KLC1: variants seen among roughly 807,000 people sequenced by gnomAD.
KLC1 encodes the protein kinesin 2 60/70kDa.
A neutral mutation model predicts 84.2 loss-of-function variants in KLC1; 30 were observed. The ratio of observed to expected loss-of-function variants is 0.36; its 90% CI spans 0.27 to 0.48. The LOEUF (loss-of-function observed/expected upper bound fraction) is 0.48, where lower values mean the gene tolerates loss of function less well. KLC1 is among the 20% of genes least tolerant of loss of function. The pLI is 0.99. For synonymous variants in KLC1, 289 were observed against 293.3 expected (o/e 0.99, Z 0.15); for missense variants, 499 against 805.4 (o/e 0.62, Z 4.60).
intron 5 of KLC1, among the ~76,000 whole-genome samples, chr14:103,666,088 C>T (rs1168947490): frequency 2.0e-5 from 3 of 151,336 alleles, no homozygotes; most frequent in South Asian, 2.1e-4. Context: ...TTTTTTGAGA[C>T]GGAGTCTCGC....
chr14:103,647,227 T>A (rs964190492), intron 1 of KLC1, among the ~76,000 whole-genome samples: 10 of 152,042 alleles, frequency 6.6e-5, no homozygotes, highest in African/African-American at 1.2e-4. Context: ...ACTTTTTTTT[T>A]ATTTTTATTT....
At position 103,692,430 on chromosome 14, in the gene KLC1, G is replaced by A. The variant is rs1240412600; in HGVS notation, c.1848+5G>A. 3.3e-6 allele frequency: 5 copies of A among 1,536,538 alleles called. No homozygotes were observed. The South Asian group carries it at 5.9e-5, about 18-fold the overall frequency. Reference sequence around the variant, plus strand: ...GCTGCTGAAGATCGCTTTCAAGTAAGGAGCCTACCCCGAATTGTGTCCTAG... The same window carrying A: ...GCTGCTGAAGATCGCTTTCAAGTAAAGAGCCTACCCCGAATTGTGTCCTAG... On this transcript the variant is annotated splice_donor_5th_base_variant and intron_variant, in intron 15 of 16. Coordinates refer to ENST00000334553, the MANE Select transcript of KLC1 (RefSeq NM_001394837.1).
rs554982511 is a variant in KLC1, at chr14:103,645,413, G to A, written c.-1-9151G>A. On this transcript the variant is annotated intron_variant, in intron 1 of 16. Transcript: ENST00000334553. ...GTTCCCCCTGGTGCTGCCTAGCTCA[G>A]TTCTTCTGCAGCTCCCTGCCATGCT... is the stretch of plus-strand genomic sequence containing the variant. 6.6e-5 allele frequency among the ~76,000 whole-genome samples: 10 copies of A among 152,348 alleles called. No individual in the cohort carries two copies. In the South Asian group the frequency reaches 2.1e-3, roughly 32 times the overall value.
intron 1 of KLC1, among the ~76,000 whole-genome samples, chr14:103,634,561 G>A (rs1236548299): frequency 6.6e-6 from 1 of 152,062 alleles, no homozygotes; most frequent in Non-Finnish European, 1.5e-5. Flanking sequence ...TGAGCCAGTC[G>A]GGTGTGATGT....
chr14:103,684,253 T>A (rs892843212), intron 13 of KLC1, among the ~76,000 whole-genome samples: 2 of 152,238 alleles, frequency 1.3e-5, no homozygotes, highest in African/African-American at 2.4e-5. Flanking sequence ...GATCCTACTG[T>A]ATACAGATAA....
chr14:103,640,141 A>G (rs547416148), intron 1 of KLC1, among the ~76,000 whole-genome samples: 5 of 152,138 alleles, frequency 3.3e-5, no homozygotes, highest in Admixed American at 6.6e-5. Flanking sequence ...GCTCACTGCA[A>G]ACTCCACTTT....
rs1451479268 is a variant in KLC1, at chr14:103,682,699, AG to A, written c.1650+3155del. On this transcript the variant is annotated intron_variant, in intron 13 of 16. Coordinates refer to ENST00000334553, the MANE Select transcript of KLC1 (RefSeq NM_001394837.1). ...AGTGTCTCGAGAAAAAAAAGAAAAA[AG>A]AAAAAACAACTATACCTGTTATCTG... is the stretch of plus-strand genomic sequence containing the variant. The A allele has an allele frequency of 7.6e-4, 116 of 152,000 alleles. 2 individuals carry two copies. In the East Asian group the frequency reaches 0.016, roughly 22 times the overall value. 9.4% of individuals were successfully genotyped at this position (152,000 alleles called of 1,614,324 possible).
At chr14:103,661,238 A>G (rs1194432842) in intron 3 of KLC1, among the ~76,000 whole-genome samples, 1 of 152,146 alleles carries the variant, frequency 6.6e-6, no homozygotes, top group Admixed American at 6.6e-5. Context: ...TTAACTGCCA[A>G]CAGCATCCTT....
At chr14:103,672,089 A>C (rs989892399) in intron 7 of KLC1, among the ~76,000 whole-genome samples, 4 of 152,154 alleles carry the variant, frequency 2.6e-5, no homozygotes, top group African/African-American at 9.7e-5. Flanking sequence ...TAGAATAGAG[A>C]GCTCTGGGAG....
intron 6 of KLC1, 148 bp from the exon 7 acceptor site, chr14:103,670,034 C>T (rs1221246467): frequency 3.0e-5 from 17 of 569,800 alleles, no homozygotes; most frequent in East Asian, 1.4e-4. Context: ...TAGTGAATTG[C>T]GCTTTTCATT....
chr14:103,651,685 G>A (rs1595352597), intron 1 of KLC1, among the ~76,000 whole-genome samples: 1 of 152,328 alleles, frequency 6.6e-6, no homozygotes, highest in East Asian at 1.9e-4. Flanking sequence ...CTCTAGCCTT[G>A]GTACTGGGTC....
At chr14:103,696,307 G>C in intron 15 of KLC1, 1 of 985,424 alleles carries the variant, frequency 1.0e-6, no homozygotes, top group Non-Finnish European at 1.2e-6. Context: ...GAGGCCGGTG[G>C]TGCCCGCGGG....
chr14:103,685,137 G>T, intron 13 of KLC1: 1 of 1,475,584 alleles, frequency 6.8e-7, no homozygotes, highest in South Asian at 1.3e-5. Context: ...GCTGCCTGTG[G>T]AAATTAATTT....
intron 11 of KLC1, among the ~76,000 whole-genome samples, chr14:103,676,911 T>G (rs1442916346): frequency 6.6e-6 from 1 of 152,212 alleles, no homozygotes; most frequent in African/African-American, 2.4e-5. Context: ...GGCCATCTGC[T>G]TATTGCTTCC....
chr14:103,696,354 G>C, intron 15 of KLC1: 1 of 985,430 alleles, frequency 1.0e-6, no homozygotes, highest in Non-Finnish European at 1.2e-6. Flanking sequence ...ACTTGGTCTT[G>C]TGTTTACAGT....
intron 14 of KLC1, among the ~76,000 whole-genome samples, chr14:103,691,361 C>T (rs1355700208): frequency 3.3e-5 from 5 of 150,144 alleles, no homozygotes; most frequent in South Asian, 2.1e-4. Flanking sequence ...GGTTTCACCA[C>T]GTTGCCCAGG....
intron 1 of KLC1, among the ~76,000 whole-genome samples, chr14:103,634,169 A>G (rs932238172): frequency 6.6e-6 from 1 of 152,138 alleles, no homozygotes; most frequent in Admixed American, 6.5e-5. Context: ...GTGCCTGGCC[A>G]ATACTGTATT....
chr14:103,656,371 T>C (rs982500030), intron 2 of KLC1, among the ~76,000 whole-genome samples: 5 of 152,154 alleles, frequency 3.3e-5, no homozygotes, highest in African/African-American at 1.2e-4. Context: ...TTCTATAATA[T>C]CATGCTTGAC....
intron 1 of KLC1, among the ~76,000 whole-genome samples, chr14:103,638,599 G>A (rs1465332441): frequency 6.6e-6 from 1 of 150,980 alleles, no homozygotes; most frequent in Non-Finnish European, 1.5e-5. Flanking sequence ...ACCAGGGGAG[G>A]TAAAGTGACC....
Sources: allele counts gnomAD v4.1 joint callset (sites outside exome capture counted in the v4.1 genomes callset), GRCh38; gene constraint gnomAD v4.1.1; transcripts MANE v1.5; gene names NCBI Gene and HGNC (gene_info 2026-07-23, HGNC 2026-07-21).